Variants in WASHC4 observed in about 807,000 individuals in gnomAD.
WASHC4 encodes the protein WASH complex subunit 7.
WASHC4 carries 86 observed loss-of-function variants against 166.6 expected under a neutral mutation model. The ratio of observed to expected loss-of-function variants is 0.52; its 90% CI spans 0.43 to 0.62. The LOEUF (loss-of-function observed/expected upper bound fraction) is 0.62. Ranked by LOEUF, WASHC4 falls within the 20% of genes least tolerant of loss-of-function variation. The probability of loss-of-function intolerance (pLI) is 0.00; values close to 1 mark genes in which losing one functional copy is unlikely to be tolerated. For synonymous variants in WASHC4, 446 were observed against 451.6 expected (o/e 0.99, Z 0.16); for missense variants, 1,262 against 1,382.4 (o/e 0.91, Z 1.38).
intron 2 of WASHC4, 36 bp from the exon 3 acceptor site, chr12:105,114,180 A>G (rs200133869): frequency 1.3e-6 from 2 of 1,584,306 alleles, no homozygotes; most frequent in East Asian, 2.2e-5. Flanking sequence ...TTATTTTTCA[A>G]ATTAAAAGAA....
intron 15 of WASHC4, among the ~76,000 whole-genome samples, chr12:105,138,580 G>A (rs936148038): frequency 6.6e-6 from 1 of 152,024 alleles, no homozygotes; most frequent in Non-Finnish European, 1.5e-5. Context: ...CTGTATTAAA[G>A]AAAAAACCTG....
chr12:105,138,372 A>C lies in WASHC4; in HGVS notation c.1452+361A>C, dbSNP rs1347532380. On this transcript the variant is annotated intron_variant, in intron 15 of 32. Transcript: ENST00000332180. ...AGGTTGCATGAGTTAAAAAAAAAAA[A>C]AACAGCTTGTCTACCATTATCCATT... Among the ~76,000 whole-genome samples the C allele has an allele frequency of 6.6e-5, 10 of 152,124 alleles. No homozygotes were observed. In the South Asian group the frequency reaches 1.7e-3, roughly 25 times the overall value.
chr12:105,122,010 C>T, intron 9 of WASHC4, 108 bp from the exon 10 acceptor site: 3 of 760,136 alleles, frequency 3.9e-6, no homozygotes, highest in South Asian at 3.5e-5. Context: ...ATGTGTAGAG[C>T]CAAACAAGAA....
Position 105,152,373 on chromosome 12 carries a change from C to T in WASHC4, c.2680C>T (p.Arg894Ter), listed in dbSNP as rs759997739. 7.5e-6 allele frequency: 12 copies of T among 1,601,264 alleles called. No individual in the cohort carries two copies. Among genetic ancestry groups the T allele is most frequent in the Non-Finnish European group, 1.0e-5 (12 of 1,168,550 alleles). The change falls in exon 26 of 33, where the codon CGA (arginine) becomes TGA (stop). Residue 894 changes from arginine (R) to a stop codon, truncating the protein, a stop_gained. Transcript: ENST00000332180. LOFTEE classifies it high-confidence loss of function. The stretch of plus-strand genomic sequence containing the variant: ...TTTTGATAGAGCAGAAAAATTCAAT[C>T]GAGGCATCAGAAAACTTGGAGTAAC... The part of the protein sequence containing the change: ...YPFDRAEKFN[R>*]GIRKLGVTPE...
At chr12:105,158,900 G>A (rs964192519) in intron 28 of WASHC4, among the ~76,000 whole-genome samples, 2 of 152,124 alleles carry the variant, frequency 1.3e-5, no homozygotes, top group Non-Finnish European at 2.9e-5. Context: ...GTATACGGGT[G>A]TTCATTATAC....
intron 26 of WASHC4, 100 bp from the exon 27 acceptor site, chr12:105,156,626 G>T: frequency 1.0e-6 from 1 of 960,746 alleles, no homozygotes; most frequent in Non-Finnish European, 1.6e-6. Context: ...TTGGTTCTTA[G>T]GAGTGGAAAC....
At chr12:105,112,063 C>A (rs77034378) in intron 2 of WASHC4, among the ~76,000 whole-genome samples, 3,270 of 146,266 alleles carry the variant, frequency 0.022, 56 homozygotes, top group Non-Finnish European at 0.034. Context: ...CATGCCATGG[C>A]ATACCTGCCC....
intron 10 of WASHC4, among the ~76,000 whole-genome samples, chr12:105,124,669 C>T (rs1057352125): frequency 7.9e-5 from 12 of 151,440 alleles, no homozygotes; most frequent in African/African-American, 2.9e-4. Context: ...TTAGTAGAGA[C>T]GAGGTTTCAC....
At position 105,147,115 on chromosome 12, in the gene WASHC4, G is replaced by A. The variant is rs757942443; in HGVS notation, c.2483G>A (p.Arg828Gln). The A allele has an allele frequency of 4.9e-5, 79 of 1,608,398 alleles. No homozygotes were observed. The highest frequency in any genetic ancestry group is 1.1e-4 in the East Asian group (5 of 44,828). ...INIRHIANSI[R>Q]THGTGIMNTT... ...ATTCGGCATATTGCTAATTCAATTC[G>A]AACACATGGCACGGGAATTATGAAT... The change falls in exon 24 of 33, where the codon CGA (arginine) becomes CAA (glutamine). Residue 828 changes from arginine to glutamine, a missense_variant. By Grantham distance (43) the Arg-to-Gln change is conservative. Transcript: ENST00000332180.
intron 24 of WASHC4, chr12:105,149,074 CT>C: frequency 1.0e-6 from 1 of 983,872 alleles, no homozygotes. Flanking sequence ...AGAATATAAA[CT>C]TCGTGAAGAC....
chr12:105,150,381 TAAG>T (rs1312007955), intron 25 of WASHC4, among the ~76,000 whole-genome samples: 3 of 152,200 alleles, frequency 2.0e-5, no homozygotes, highest in Admixed American at 6.5e-5. Flanking sequence ...AAAACTTCCT[TAAG>T]GAGAAATTTC....
At chr12:105,153,176 A>T (rs184292999) in intron 26 of WASHC4, among the ~76,000 whole-genome samples, 46 of 152,356 alleles carry the variant, frequency 3.0e-4, no homozygotes, top group African/African-American at 1.1e-3. Flanking sequence ...TTATATTAAC[A>T]CCAAACAGTA....
At chr12:105,159,887 G>A in intron 28 of WASHC4, 114 bp from the exon 29 acceptor site, 1 of 933,878 alleles carries the variant, frequency 1.1e-6, no homozygotes, top group South Asian at 1.4e-5. Context: ...TCTTAGAAGT[G>A]TCTTACAGTG....
Position 105,164,743 on chromosome 12 carries a change from C to CAGTG in WASHC4, c.3454+8_3454+11dup. ...CCAAGAAAAGAAAGAGAAGGAAGGT[C>CAGTG]AGTGAGTGGTTTAAATTTGGAAAGA... On this transcript the variant is annotated splice_donor_region_variant and intron_variant, in intron 32 of 32. Coordinates refer to ENST00000332180, the MANE Select transcript of WASHC4 (RefSeq NM_015275.3). 6.2e-7 allele frequency: 1 copy of CAGTG among 1,603,552 alleles called. No individual in the cohort carries two copies. The highest frequency in any genetic ancestry group is 8.5e-7 in the Non-Finnish European group (1 of 1,171,496).
At chr12:105,149,025 A>C in intron 24 of WASHC4, 2 of 974,706 alleles carry the variant, frequency 2.1e-6, no homozygotes, top group Non-Finnish European at 2.4e-6. Flanking sequence ...TTAATAATTT[A>C]TTTAACAATA....
rs139366712 is a variant in WASHC4 at position 105,165,174 on chromosome 12, G to A, written c.3454+434G>A. ...AAATCATAGGGGCTATTTAGTTGTA[G>A]TAAATAGCATCCTGCCTTCTTTCAT... On this transcript the variant is annotated intron_variant, in intron 32 of 32. Coordinates refer to ENST00000332180, the MANE Select transcript of WASHC4 (RefSeq NM_015275.3). Among the ~76,000 whole-genome samples the A allele has an allele frequency of 2.0e-4, 30 of 152,306 alleles. No individual in the cohort carries two copies. The East Asian group carries it at 5.4e-3, about 27-fold the overall frequency.
intron 12 of WASHC4, 150 bp downstream of exon 12, chr12:105,126,512 T>TA (rs1437929213): frequency 1.6e-6 from 1 of 630,808 alleles, no homozygotes; most frequent in African/African-American, 1.8e-5. Context: ...ATAAGTAACT[T>TA]AGTGAATGAA....
Position 105,157,326 on chromosome 12 carries a change from A to G in WASHC4, c.2912+4A>G, listed in dbSNP as rs774140141. ...AAGAAACATTAAAAGCAGCAAGGTA[A>G]TCTAAATTTGGAAATATAAAAAAGT... On this transcript the variant is annotated splice_donor_region_variant and intron_variant, in intron 28 of 32. Transcript: ENST00000332180. The G allele has an allele frequency of 1.3e-6, 2 of 1,492,506 alleles. No homozygotes were observed. The highest frequency in any genetic ancestry group is 3.3e-5 in the Admixed American group (2 of 59,706). 92.5% of individuals were successfully genotyped at this position (1,492,506 alleles called of 1,614,324 possible). A position where few individuals can be genotyped will look rare whatever the true frequency, so the allele number is the denominator to read the frequency against.
intron 30 of WASHC4, 34 bp downstream of exon 30, chr12:105,162,879 TA>T (rs1884588617): frequency 9.4e-7 from 1 of 1,066,316 alleles, no homozygotes; most frequent in Admixed American, 1.9e-5. Context: ...CCATTAATTT[TA>T]TATTGACCTT....
Sources: allele counts gnomAD v4.1 joint callset (sites outside exome capture counted in the v4.1 genomes callset), GRCh38; gene constraint gnomAD v4.1.1; transcripts MANE v1.5; gene names NCBI Gene and HGNC (gene_info 2026-07-23, HGNC 2026-07-21).